Variants in PSTPIP1 observed in about 807,000 individuals in gnomAD.
PSTPIP1 encodes proline-serine-threonine phosphatase interacting protein 1.
PSTPIP1 carries 66 observed loss-of-function variants against 69.6 expected under a neutral mutation model. That is an observed-to-expected ratio of 0.95 (90% CI 0.78 to 1.16). The LOEUF is 1.16. Ranked by LOEUF, PSTPIP1 falls within the 50% of genes most tolerant of loss-of-function variation. The pLI is 0.00. For synonymous variants in PSTPIP1, 266 were observed against 222.7 expected, an observed-to-expected ratio of 1.19 and a Z score of -1.73; for missense variants, 603 against 557.4, an observed-to-expected ratio of 1.08 and a Z score of -0.82.
At chr15:77,013,944 T>A (rs62007171) in intron 1 of PSTPIP1, among the ~76,000 whole-genome samples, 2 of 151,564 alleles carry the variant, frequency 1.3e-5, no homozygotes, top group Non-Finnish European at 2.9e-5. Context: ...GGGGAGGTGA[T>A]GAGGTGACTC....
At chr15:77,003,051 A>T (rs909878898) in intron 1 of PSTPIP1, among the ~76,000 whole-genome samples, 2 of 152,170 alleles carry the variant, frequency 1.3e-5, no homozygotes, top group Admixed American at 1.3e-4. Flanking sequence ...GTAGGAAGGG[A>T]AGGCACGAGC....
chr15:77,033,871 G>A (rs536360451), intron 12 of PSTPIP1, among the ~76,000 whole-genome samples: 6 of 152,252 alleles, frequency 3.9e-5, no homozygotes, highest in African/African-American at 1.2e-4. Context: ...ACCCCAGGAG[G>A]CAGCACACCC....
chr15:77,032,696 C>A, intron 11 of PSTPIP1, 166 bp from the exon 12 acceptor site: 1 of 652,764 alleles, frequency 1.5e-6, no homozygotes, highest in Non-Finnish European at 2.7e-6. Context: ...AATATTAGGT[C>A]TTGATGGTAC....
At chr15:77,014,761 C>A (rs1274503354) in intron 1 of PSTPIP1, among the ~76,000 whole-genome samples, 3 of 152,238 alleles carry the variant, frequency 2.0e-5, no homozygotes, top group African/African-American at 7.2e-5. Context: ...CAACACCCAC[C>A]AGAGAATGAA....
At chr15:77,011,509 CTCAAGGTCCTG>C (rs1206351833) in intron 1 of PSTPIP1, among the ~76,000 whole-genome samples, 1 of 152,262 alleles carries the variant, frequency 6.6e-6, no homozygotes, top group African/African-American at 2.4e-5. Flanking sequence ...CATTTCTAAT[CTCAAGGTCCTG>C]TCAGCCCAGG....
At chr15:76,999,494 G>A (rs1461635261) in intron 1 of PSTPIP1, 1 of 152,200 alleles carries the variant, frequency 6.6e-6, no homozygotes, top group Non-Finnish European at 1.5e-5. Flanking sequence ...GGCCTGGCTG[G>A]TCTCGAACTC....
rs1192521928 is a variant in PSTPIP1 at position 77,035,850 on chromosome 15, A to G, written c.1034A>G (p.Tyr345Cys). Residue 345 changes from tyrosine to cysteine, a missense_variant, in exon 14 of 15, where the codon TAC becomes TGC. Coordinates refer to ENST00000558012, the MANE Select transcript of PSTPIP1 (RefSeq NM_003978.5). ...TPTPERNEGV[Y>C]TAIAVQEIQG... ...ACCCCCGAGCGGAATGAGGGTGTCT[A>G]CACAGCCATCGCAGTGCAGGAGATA... The G allele has an allele frequency of 8.7e-6, 14 of 1,610,520 alleles. No individual in the cohort carries two copies. The East Asian group carries it at 3.1e-4, about 36-fold the overall frequency.
chr15:77,033,077 T>C, intron 12 of PSTPIP1, 125 bp downstream of exon 12: 2 of 971,648 alleles, frequency 2.1e-6, no homozygotes, highest in Non-Finnish European at 3.1e-6. Context: ...TGGTGCCCAG[T>C]TTAGGTGCTG....
chr15:77,027,325 C>T lies in PSTPIP1; in HGVS notation c.355-527C>T, dbSNP rs2076302769. On this transcript the variant is annotated intron_variant, in intron 5 of 14. Coordinates refer to ENST00000558012, the MANE Select transcript of PSTPIP1 (RefSeq NM_003978.5). The surrounding 1 kb of genome is among the most constrained non-coding windows in gnomAD (Gnocchi z 4.3). ...AGACCTCGGCACAGGGGCCCAGTGG[C>T]CACTGTGCCTGCATGTGGCCTGTGG... 6.6e-6 allele frequency among the ~76,000 whole-genome samples: 1 copy of T among 152,164 alleles called. No individual in the cohort carries two copies. The highest frequency in any genetic ancestry group is 2.4e-5 in the African/African-American group (1 of 41,428).
At chr15:77,023,014 C>T (rs1229727107) in intron 3 of PSTPIP1, among the ~76,000 whole-genome samples, 1 of 152,210 alleles carries the variant, frequency 6.6e-6, no homozygotes, top group Admixed American at 6.5e-5. Context: ...GCTGAATGTC[C>T]ACCTGGCAGT....
intron 1 of PSTPIP1, among the ~76,000 whole-genome samples, chr15:77,005,733 C>T (rs2075802797): frequency 6.6e-6 from 1 of 152,230 alleles, no homozygotes; most frequent in Non-Finnish European, 1.5e-5. Flanking sequence ...TAAGTAGAAT[C>T]AGATAATATT....
At chr15:77,004,271 A>G (rs1440379548) in intron 1 of PSTPIP1, among the ~76,000 whole-genome samples, 1 of 152,220 alleles carries the variant, frequency 6.6e-6, no homozygotes, top group East Asian at 1.9e-4. Flanking sequence ...GAGGCCTGGC[A>G]CACTGAGCAA....
chr15:77,030,750 T>A (rs191948287), intron 9 of PSTPIP1, among the ~76,000 whole-genome samples, 169 bp downstream of exon 9: 2 of 152,246 alleles, frequency 1.3e-5, no homozygotes, highest in Non-Finnish European at 2.9e-5. Context: ...CTGGCCCTGT[T>A]GCTTGTCGCC....
rs573106329 is a variant in PSTPIP1, at chr15:77,036,083, CGA to C, written c.1119+150_1119+151del. 296 of 1,110,736 alleles carry C rather than the reference CGA, an allele frequency of 2.7e-4. 2 individuals carry two copies. The highest frequency in any genetic ancestry group is 2.3e-3 in the South Asian group (135 of 57,914). 68.8% of individuals were successfully genotyped at this position (1,110,736 alleles called of 1,614,324 possible). A position where few individuals can be genotyped will look rare whatever the true frequency, so the allele number is the denominator to read the frequency against. ...TCCTCCTCAGGAGGGCACGTGTGCCCGAGTGTGTCCACACTAGCAAGGGTACC... is the reference window on the plus strand; with the variant it reads ...TCCTCCTCAGGAGGGCACGTGTGCCCGTGTGTCCACACTAGCAAGGGTACC... On this transcript the variant is annotated intron_variant, in intron 14 of 14. Coordinates refer to ENST00000558012, the MANE Select transcript of PSTPIP1 (RefSeq NM_003978.5).
Position 77,018,505 on chromosome 15 carries a change from G to A in PSTPIP1, c.186G>A (p.Arg62=), listed in dbSNP as rs981920341. Reference sequence around the variant, plus strand: ...GGAAGGAGCTGGTGCAGATCGCACGGAAGGCAGGTGGCCAGACGGAGATCA... The same window carrying A: ...GGAAGGAGCTGGTGCAGATCGCACGAAAGGCAGGTGGCCAGACGGAGATCA... ...RYGKELVQIA[R]KAGGQTEINS... The change falls in exon 3 of 15, where the codon CGG becomes CGA. Residue 62 remains arginine (R), a synonymous_variant. Coordinates refer to ENST00000558012, the MANE Select transcript of PSTPIP1 (RefSeq NM_003978.5). 5.1e-6 allele frequency: 8 copies of A among 1,579,460 alleles called. No homozygotes were observed. The highest frequency in any genetic ancestry group is 6.0e-6 in the Non-Finnish European group (7 of 1,162,638).
chr15:77,033,571 G>A (rs1364549895), intron 12 of PSTPIP1, among the ~76,000 whole-genome samples: 1 of 152,202 alleles, frequency 6.6e-6, no homozygotes, highest in African/African-American at 2.4e-5. Context: ...GGGAGGCCAT[G>A]TGCCCTGTGA....
chr15:76,994,945 G>C (rs746073019), upstream of PSTPIP1: 32 of 1,232,890 alleles, frequency 2.6e-5, no homozygotes, highest in Non-Finnish European at 3.3e-5. Context: ...TGGCCACACT[G>C]TCAGTGGGCC....
intron 5 of PSTPIP1, chr15:77,025,987 T>G: frequency 4.7e-6 from 2 of 425,304 alleles, no homozygotes. Flanking sequence ...CTGATTGTCC[T>G]GGAAAAAGGC....
chr15:77,000,498 C>T (rs2075684888), intron 1 of PSTPIP1, among the ~76,000 whole-genome samples: 1 of 149,300 alleles, frequency 6.7e-6, no homozygotes, highest in Admixed American at 6.6e-5. Context: ...CACACACACA[C>T]ACACATACAC....
Sources: gnomAD v4.1 joint callset for allele counts (sites outside exome capture counted in the v4.1 genomes callset) on GRCh38, gnomAD v4.1.1 for gene constraint, Gnocchi (gnomAD v3.1) non-coding constraint, MANE v1.5 for transcripts, NCBI Gene and HGNC (gene_info 2026-07-23, HGNC 2026-07-21) for gene names.